STARD13: variants seen among roughly 807,000 people sequenced by gnomAD.
STARD13 encodes the protein StAR related lipid transfer domain containing 13.
A neutral mutation model predicts 106.4 loss-of-function variants in STARD13; 62 were observed. The ratio of observed to expected loss-of-function variants is 0.58; its 90% CI spans 0.48 to 0.72. The LOEUF is 0.72. STARD13 is among the 30% of genes least tolerant of loss of function. The pLI is 0.00. For synonymous variants in STARD13, 565 were observed against 553.0 expected (o/e 1.02, Z -0.31); for missense variants, 1,387 against 1,424.0 (o/e 0.97, Z 0.42).
At chr13:33,196,568 A>T (rs1055560283) in intron 1 of STARD13, among the ~76,000 whole-genome samples, 9 of 152,168 alleles carry the variant, frequency 5.9e-5, no homozygotes, top group Non-Finnish European at 1.2e-4. Flanking sequence ...TCTTACCTCC[A>T]CGCTTGCTTT....
the STARD13 span, among the ~76,000 whole-genome samples, chr13:33,673,241 A>G: frequency 0.011 from 1,690 of 152,264 alleles, 39 homozygotes; most frequent in African/African-American, 0.039. Flanking sequence ...CCATCCTTAG[A>G]GGTTTCCCAA....
the STARD13 span, among the ~76,000 whole-genome samples, chr13:33,363,692 A>G: frequency 2.6e-5 from 4 of 152,190 alleles, no homozygotes; most frequent in Non-Finnish European, 4.4e-5. Flanking sequence ...CTTCTTTTCT[A>G]AAGTTACACC....
At chr13:33,635,853 G>A in the STARD13 span, among the ~76,000 whole-genome samples, 64 of 151,468 alleles carry the variant, frequency 4.2e-4, no homozygotes, top group African/African-American at 1.5e-3. Context: ...GTGTGGTGGC[G>A]GGCACCTGTA....
intron 7 of STARD13, among the ~76,000 whole-genome samples, chr13:33,119,714 C>G (rs1875971814): frequency 6.6e-6 from 1 of 152,220 alleles, no homozygotes; most frequent in Admixed American, 6.5e-5. Flanking sequence ...GTTTATCGCT[C>G]TAATCCCACA....
chr13:33,443,242 T>A, the STARD13 span, among the ~76,000 whole-genome samples: 165 of 152,084 alleles, frequency 1.1e-3, 1 homozygote, highest in African/African-American at 4.0e-3. Context: ...CCAGGCGTGG[T>A]GGCAGGTGCC....
At chr13:33,200,577 G>T (rs755439602) in intron 1 of STARD13, among the ~76,000 whole-genome samples, 14 of 152,194 alleles carry the variant, frequency 9.2e-5, no homozygotes, top group Non-Finnish European at 1.5e-4. Flanking sequence ...CCTACTGGGG[G>T]ACTTACCCAT....
the STARD13 span, among the ~76,000 whole-genome samples, chr13:33,435,944 T>A: frequency 8.5e-5 from 13 of 152,322 alleles, no homozygotes; most frequent in South Asian, 8.3e-4. Flanking sequence ...ATTTTCTTCA[T>A]AATAATTGGA....
the STARD13 span, among the ~76,000 whole-genome samples, chr13:33,600,588 G>A: frequency 6.6e-6 from 1 of 152,052 alleles, no homozygotes; most frequent in Non-Finnish European, 1.5e-5. Flanking sequence ...TTGGTGAAAG[G>A]TATACGGTAT....
At chr13:33,604,666 G>A in the STARD13 span, among the ~76,000 whole-genome samples, 1 of 152,100 alleles carries the variant, frequency 6.6e-6, no homozygotes, top group African/African-American at 2.4e-5. Flanking sequence ...GGGCATGGTG[G>A]TGTGTGCCTG....
chr13:33,356,489 A>C, the STARD13 span, among the ~76,000 whole-genome samples: 3 of 152,184 alleles, frequency 2.0e-5, no homozygotes, highest in Non-Finnish European at 4.4e-5. Flanking sequence ...GCATAGACAG[A>C]GGAGGTAGCC....
chr13:33,287,981 G>A (rs542795781), upstream of STARD13, among the ~76,000 whole-genome samples: 5 of 152,066 alleles, frequency 3.3e-5, no homozygotes, highest in African/African-American at 1.2e-4. Context: ...AAGATAGACC[G>A]GCCATTTCCA....
chr13:33,445,677 G>A, the STARD13 span, among the ~76,000 whole-genome samples: 1 of 151,980 alleles, frequency 6.6e-6, no homozygotes, highest in Admixed American at 6.6e-5. Context: ...CTCAAAACTG[G>A]GCAAGGGCCT....
At chr13:33,598,481 T>C in the STARD13 span, among the ~76,000 whole-genome samples, 1 of 152,196 alleles carries the variant, frequency 6.6e-6, no homozygotes, top group Admixed American at 6.5e-5. Flanking sequence ...ATTACAGTTA[T>C]TTGTTTATGC....
At chr13:33,540,345 G>A in the STARD13 span, among the ~76,000 whole-genome samples, 1 of 152,116 alleles carries the variant, frequency 6.6e-6, no homozygotes, top group African/African-American at 2.4e-5. Flanking sequence ...TATCCAAATT[G>A]CCAGTATCAC....
chr13:33,598,394 CAAAT>C, the STARD13 span, among the ~76,000 whole-genome samples: 4 of 152,160 alleles, frequency 2.6e-5, no homozygotes, highest in African/African-American at 4.8e-5. Flanking sequence ...GGCTGTAACT[CAAAT>C]GAATGATTTT....
chr13:33,143,172 G>T (rs1880064265), intron 3 of STARD13, among the ~76,000 whole-genome samples: 2 of 152,156 alleles, frequency 1.3e-5, no homozygotes, highest in Non-Finnish European at 1.5e-5. Context: ...AAGCCACTCG[G>T]TCATGGTGTT....
chr13:33,372,025 A>G, the STARD13 span, among the ~76,000 whole-genome samples: 1 of 152,230 alleles, frequency 6.6e-6, no homozygotes. Context: ...CCCACTCTGA[A>G]TCTCTGTTCA....
chr13:33,557,452 A>G, the STARD13 span, among the ~76,000 whole-genome samples: 2 of 152,264 alleles, frequency 1.3e-5, no homozygotes, highest in Non-Finnish European at 2.9e-5. Flanking sequence ...TGCAGCCATT[A>G]GTTTTCAAAT....
intron 3 of STARD13, among the ~76,000 whole-genome samples, chr13:33,157,642 C>G (rs1882144768): frequency 6.6e-6 from 1 of 152,128 alleles, no homozygotes; most frequent in Non-Finnish European, 1.5e-5. Context: ...TGCACTCCAG[C>G]CTGGGTGACA....
Sources: gnomAD v4.1 joint callset for allele counts (sites outside exome capture counted in the v4.1 genomes callset) on GRCh38, gnomAD v4.1.1 for gene constraint, MANE v1.5 for transcripts, NCBI Gene and HGNC (gene_info 2026-07-23, HGNC 2026-07-21) for gene names.